BCOR: variants seen among roughly 807,000 people sequenced by gnomAD.
The protein encoded by BCOR is BCL-6 corepressor.
A neutral mutation model predicts 86.7 loss-of-function variants in BCOR; 10 were observed. That is an observed-to-expected ratio of 0.12 (90% CI 0.07 to 0.20). The LOEUF (loss-of-function observed/expected upper bound fraction) is 0.20. BCOR is among the 10% of genes least tolerant of loss of function. The probability of loss-of-function intolerance (pLI) is 1.00; values close to 1 mark genes in which losing one functional copy is unlikely to be tolerated. For missense variants in BCOR, 1,259 were observed against 1,452.1 expected (o/e 0.87, Z 2.16); for synonymous variants, 611 against 609.0 (o/e 1.00, Z -0.05).
chrX:40,083,123 G>A (rs764411309), intron 1 of BCOR, among the ~76,000 whole-genome samples: 1 of 110,228 alleles, frequency 9.1e-6, no homozygotes. Context: ...GTGGGGGTGG[G>A]GTGTGTGGGA....
At chrX:40,120,093 G>A (rs951032584) in intron 1 of BCOR, among the ~76,000 whole-genome samples, 5 of 111,154 alleles carry the variant, frequency 4.5e-5, no homozygotes, top group South Asian at 3.8e-4. Context: ...CAGATGTGCC[G>A]TATTGGAGGC....
intron 1 of BCOR, among the ~76,000 whole-genome samples, chrX:40,168,060 C>T (rs1386097858): frequency 8.9e-6 from 1 of 112,720 alleles, no homozygotes; most frequent in East Asian, 2.8e-4. Context: ...CTGGCGGCGG[C>T]GGGGCTTTGT....
At chrX:40,156,682 G>A (rs188361996) in intron 1 of BCOR, among the ~76,000 whole-genome samples, 23 of 112,157 alleles carry the variant, frequency 2.1e-4, no homozygotes, top group African/African-American at 7.4e-4. Context: ...CAGCCCTTCG[G>A]GAGGGGAGTC....
chrX:40,159,348 TTTG>T (rs1938365013), intron 1 of BCOR, among the ~76,000 whole-genome samples: 1 of 112,083 alleles, frequency 8.9e-6, no homozygotes, highest in Admixed American at 9.4e-5. Context: ...GTTTTTTTTG[TTTG>T]TTTTTTGTTT....
In BCOR at chrX:40,097,334, T is replaced by G. The variant is rs1485880591; in HGVS notation, c.-160A>C. 1 of 86,582 alleles carries G rather than the reference T, an allele frequency of 1.2e-5. No individual in the cohort carries two copies. The highest frequency in any genetic ancestry group is 5.4e-4 in the South Asian group (1 of 1,846). 7.1% of individuals were successfully genotyped at this position (86,582 alleles called of 1,213,427 possible). ...GGGCGGTTGGGTGGGTGGAGAGAGA[T>G]ATGAGGGGTGGGGGGGGTTGGCGAC... On this transcript the variant is annotated 5_prime_UTR_variant, in exon 1 of 15. Coordinates refer to ENST00000378444, the MANE Select transcript of BCOR (RefSeq NM_001123385.2).
At chrX:40,125,971 GGAGGCCGAGGCGGGCGGATCAC>G (rs367798871) in intron 1 of BCOR, among the ~76,000 whole-genome samples, 39 of 110,868 alleles carry the variant, frequency 3.5e-4, no homozygotes, top group African/African-American at 1.3e-3. Flanking sequence ...CAGCACTTTG[GGAGGCCGAGGCGGGCGGATCAC>G]GAGGTCGAGA....
intron 1 of BCOR, among the ~76,000 whole-genome samples, chrX:40,147,077 T>C (rs1023883044): frequency 9.0e-6 from 1 of 110,922 alleles, no homozygotes. Flanking sequence ...CTAGCGTCCA[T>C]ACGCGGCGCT....
chrX:40,099,572 T>C (rs947245857), upstream of BCOR, among the ~76,000 whole-genome samples: 1 of 112,098 alleles, frequency 8.9e-6, no homozygotes, highest in Admixed American at 9.4e-5. Flanking sequence ...AGTGTCCCCA[T>C]GCCAAAAATA....
intron 4 of BCOR, chrX:40,072,128 G>T (rs374797776): frequency 6.8e-6 from 3 of 439,176 alleles, no homozygotes. Context: ...CAATTGAGTG[G>T]AGTTCCCTTA....
intron 1 of BCOR, among the ~76,000 whole-genome samples, chrX:40,160,073 G>C (rs187639451): frequency 1.8e-5 from 2 of 111,960 alleles, no homozygotes; most frequent in South Asian, 3.7e-4. Context: ...ACAGAGATCT[G>C]AAATCCCCCT....
In BCOR at chrX:40,056,281, T is replaced by TAA. The variant is rs60712024; in HGVS notation, c.4596-770_4596-769dup. On this transcript the variant is annotated intron_variant, in intron 11 of 14. Coordinates refer to ENST00000378444, the MANE Select transcript of BCOR (RefSeq NM_001123385.2). Reference sequence around the variant, plus strand: ...AATACAACAAGCAACTGTCACACATTAAAAAAAAAAAAAAAAAAAAGCCAC... The same window carrying TAA: ...AATACAACAAGCAACTGTCACACATTAAAAAAAAAAAAAAAAAAAAAAGCCAC... 3.6e-3 allele frequency among the ~76,000 whole-genome samples: 219 copies of TAA among 61,432 alleles called. 10 individuals carry two copies. The highest frequency in any genetic ancestry group is 0.027 in the East Asian group (44 of 1,643). 53.3% of individuals were successfully genotyped at this position (61,432 alleles called of 115,157 possible).
chrX:40,160,535 C>T (rs1938392859), intron 1 of BCOR, among the ~76,000 whole-genome samples: 1 of 99,342 alleles, frequency 1.0e-5, no homozygotes, highest in South Asian at 4.4e-4. Flanking sequence ...AAAAAAAAAT[C>T]AGTCAATCAA....
chrX:40,117,119 T>C (rs1200047911), intron 1 of BCOR, among the ~76,000 whole-genome samples: 1 of 112,625 alleles, frequency 8.9e-6, no homozygotes, highest in Non-Finnish European at 1.9e-5. Context: ...CACCGATGAT[T>C]AATGCGCCTC....
At chrX:40,092,261 C>A (rs1014445515) in intron 1 of BCOR, among the ~76,000 whole-genome samples, 1 of 112,170 alleles carries the variant, frequency 8.9e-6, no homozygotes, top group Non-Finnish European at 1.9e-5. Flanking sequence ...TGCCCCACTC[C>A]GCCCGGCGCG....
At chrX:40,128,608 GGCACA>G (rs1937571881) in intron 1 of BCOR, among the ~76,000 whole-genome samples, 1 of 112,090 alleles carries the variant, frequency 8.9e-6, no homozygotes, top group African/African-American at 3.2e-5. Flanking sequence ...CCAATTCTAG[GGCACA>G]GCATAGATGT....
chrX:40,055,473 C>G lies in BCOR; in HGVS notation c.4636G>C (p.Val1546Leu). ...DAVENDHLEI[V>L]RLLLSYGADP... ...GCACCATAAGAGAGAAGTAGTCGGA[C>G]AATTTCCAAGTGATCGTTCTCAACA... is the stretch of plus-strand genomic sequence containing the variant. The change falls in exon 12 of 15, where the codon GTC becomes CTC. Residue 1546 changes from valine to leucine, a missense_variant. Physicochemically the swap from Val to Leu is conservative, Grantham distance 32. Transcript: ENST00000378444. The G allele has an allele frequency of 8.3e-7, 1 of 1,211,725 alleles. No individual in the cohort carries two copies. The highest frequency in any genetic ancestry group is 1.1e-6 in the Non-Finnish European group (1 of 895,402).
At chrX:40,107,862 A>G (rs1309799054) in intron 1 of BCOR, among the ~76,000 whole-genome samples, 1 of 113,434 alleles carries the variant, frequency 8.8e-6, no homozygotes. Context: ...TCATTTGCAT[A>G]AAAATAGGAC....
chrX:40,158,983 A>T (rs1405871530), intron 1 of BCOR, among the ~76,000 whole-genome samples: 1 of 111,606 alleles, frequency 9.0e-6, no homozygotes, highest in Admixed American at 9.5e-5. Context: ...CGTGAGGTGA[A>T]CGTAAATAAA....
rs1282280272 is a variant in BCOR, at chrX:40,112,578, AT to A, written c.-40-34610del. ...CTAGGATTCAAATCCAGGCAGTCCT[AT>A]CTTCAGAGTCCATGGTCCTAATCAC... On this transcript the variant is annotated intron_variant, in intron 1 of 14. Coordinates refer to the BCOR transcript ENST00000342274. 2.8e-4 allele frequency among the ~76,000 whole-genome samples: 31 copies of A among 111,610 alleles called. No individual in the cohort carries two copies. The South Asian group carries it at 0.01, about 36-fold the overall frequency.
Sources: allele counts gnomAD v4.1 joint callset (sites outside exome capture counted in the v4.1 genomes callset), GRCh38; gene constraint gnomAD v4.1.1; transcripts MANE v1.5; gene names NCBI Gene and HGNC (gene_info 2026-07-23, HGNC 2026-07-21).